Variants in OTUD7B observed in about 807,000 individuals in gnomAD.
OTUD7B encodes OTU deubiquitinase 7B, also known as OTU domain-containing protein 7B.
Under a neutral mutation model 82.2 loss-of-function variants are expected in OTUD7B, and 34 were observed. The observed-to-expected ratio is 0.41, with a 90% CI of 0.31 to 0.55. The LOEUF (loss-of-function observed/expected upper bound fraction) is 0.55. Among genes scored for constraint, OTUD7B ranks in the 20% least tolerant of loss-of-function variants. OTUD7B has a pLI of 0.20. For missense variants in OTUD7B, 944 were observed against 1,062.1 expected, an observed-to-expected ratio of 0.89 and a Z score of 1.55; for synonymous variants, 398 against 402.7, an observed-to-expected ratio of 0.99 and a Z score of 0.14.
chr1:150,006,650 C>T lies in OTUD7B; in HGVS notation c.-67+3798G>A, dbSNP rs587760101. Reference sequence around the variant, plus strand: ...GAATTACCTACAACAGTGCTCCCTACATTAGCAGAGACAACTGAGAGTTAA... The same window carrying T: ...GAATTACCTACAACAGTGCTCCCTATATTAGCAGAGACAACTGAGAGTTAA... On this transcript the variant is annotated intron_variant, in intron 1 of 11. Transcript: ENST00000581312. Among the ~76,000 whole-genome samples, 33 of 152,336 alleles carry T rather than the reference C, an allele frequency of 2.2e-4. No homozygotes were observed. The South Asian group carries it at 6.6e-3, about 31-fold the overall frequency.
At chr1:150,031,317 T>C in the OTUD7B span, among the ~76,000 whole-genome samples, 2 of 152,336 alleles carry the variant, frequency 1.3e-5, no homozygotes, top group East Asian at 1.9e-4. Flanking sequence ...TGTTTCTGGC[T>C]CAGTGCTCTT....
Position 149,938,011 on chromosome 1 carries a change from G to A in OTUD7B, c.*5846C>T, listed in dbSNP as rs2092737125. 6.6e-6 allele frequency: 1 copy of A among 152,140 alleles called. No individual in the cohort carries two copies. Among genetic ancestry groups the A allele is most frequent in the Non-Finnish European group, 1.5e-5 (1 of 68,064 alleles). The allele number at this position is 152,140 out of a possible 1,614,324, so 9.4% of individuals were successfully genotyped here. On this transcript the variant is annotated 3_prime_UTR_variant, in exon 12 of 12. Transcript: ENST00000581312. ...ATATTGTGAGACAGAAAGTCAGTCT[G>A]GAACAAAGAGGTATACACCTGCTAA...
At chr1:149,967,876 A>G (rs1230216761) in intron 3 of OTUD7B, among the ~76,000 whole-genome samples, 1 of 152,140 alleles carries the variant, frequency 6.6e-6, no homozygotes, top group Non-Finnish European at 1.5e-5. Context: ...AGGAGAGGGA[A>G]TAAGGGAAGT....
chr1:149,988,832 CA>C lies in OTUD7B; in HGVS notation c.-66-11257del, dbSNP rs202008899. 7.9e-3 allele frequency among the ~76,000 whole-genome samples: 1,196 copies of C among 152,174 alleles called. 50 individuals carry two copies. The highest frequency in any genetic ancestry group is 0.067 in the Admixed American group (1,030 of 15,278). ...CTTTTAAAAGAATAACCTGCAAAAA[CA>C]AAAGTTCTACTTGACCTATTAAAGA... On this transcript the variant is annotated intron_variant, in intron 1 of 11. Transcript: ENST00000581312.
the OTUD7B span, among the ~76,000 whole-genome samples, chr1:150,043,479 T>C: frequency 5.5e-3 from 844 of 152,190 alleles, 5 homozygotes; most frequent in African/African-American, 0.019. Flanking sequence ...TAGAAGGAGA[T>C]AGATTTCCGC....
chr1:150,031,465 G>C, the OTUD7B span, among the ~76,000 whole-genome samples: 1 of 152,180 alleles, frequency 6.6e-6, no homozygotes, highest in African/African-American at 2.4e-5. Flanking sequence ...ACAGTAATTG[G>C]AGAAGCCAAA....
intron 1 of OTUD7B, among the ~76,000 whole-genome samples, chr1:149,995,311 G>T (rs1553783095): frequency 6.6e-6 from 1 of 152,004 alleles, no homozygotes; most frequent in Non-Finnish European, 1.5e-5. Context: ...CGGGCGCAGT[G>T]GCTCATGCCT....
intron 1 of OTUD7B, among the ~76,000 whole-genome samples, chr1:150,000,905 G>A (rs183616689): frequency 6.6e-6 from 1 of 152,186 alleles, no homozygotes; most frequent in Non-Finnish European, 1.5e-5. Flanking sequence ...CTTGAACCCG[G>A]GAGGCAGAGG....
chr1:149,949,810 CTG>C, intron 8 of OTUD7B, 32 bp from the exon 9 acceptor site: 1 of 1,600,110 alleles, frequency 6.2e-7, no homozygotes, highest in Non-Finnish European at 8.5e-7. Flanking sequence ...ATTATGAAGG[CTG>C]TGTTTCTGCC....
chr1:149,951,251 G>A (rs1019703152), intron 7 of OTUD7B, among the ~76,000 whole-genome samples: 3 of 152,002 alleles, frequency 2.0e-5, no homozygotes, highest in East Asian at 1.9e-4. Flanking sequence ...GATTACAGGC[G>A]TGAGCCACTG....
At position 149,949,610 on chromosome 1, in the gene OTUD7B, A is replaced by C. The variant is rs587711336; in HGVS notation, c.1123+19T>G. The stretch of plus-strand genomic sequence containing the variant: ...TTCAAGTGAAAATAATGCAGACCAA[A>C]AGACATGTCATTCAGCACCTTGTTC... On this transcript the variant is annotated intron_variant, in intron 9 of 11. Coordinates refer to ENST00000581312, the MANE Select transcript of OTUD7B (RefSeq NM_020205.4). 2 of 1,610,384 alleles carry C rather than the reference A, an allele frequency of 1.2e-6. No homozygotes were observed. The highest frequency in any genetic ancestry group is 2.2e-5 in the South Asian group (2 of 90,782).
chr1:150,017,179 C>T, the OTUD7B span, among the ~76,000 whole-genome samples: 1 of 152,100 alleles, frequency 6.6e-6, no homozygotes, highest in African/African-American at 2.4e-5. Context: ...CCTGCACTCC[C>T]TAAAGTGTTC....
At chr1:149,982,663 A>G (rs1553779991) in intron 1 of OTUD7B, among the ~76,000 whole-genome samples, 1 of 151,638 alleles carries the variant, frequency 6.6e-6, no homozygotes, top group East Asian at 1.9e-4. Context: ...CATCTGCACA[A>G]CTCGCCTAAC....
the OTUD7B span, among the ~76,000 whole-genome samples, chr1:150,021,426 A>G: frequency 6.6e-6 from 1 of 152,204 alleles, no homozygotes. Flanking sequence ...AAAGGTTAAT[A>G]TTAATCTGGA....
At chr1:149,967,560 C>A (rs782095237) in intron 3 of OTUD7B, 39 bp from the exon 4 acceptor site, 1 of 1,484,844 alleles carries the variant, frequency 6.7e-7, no homozygotes, top group Non-Finnish European at 9.2e-7. Flanking sequence ...ACATACACAG[C>A]CCACTTGGAG....
chr1:149,967,792 G>A (rs1456374758), intron 3 of OTUD7B, among the ~76,000 whole-genome samples: 1 of 152,018 alleles, frequency 6.6e-6, no homozygotes, highest in African/African-American at 2.4e-5. Context: ...CCCTCTGACT[G>A]TCTTCCTCCA....
At chr1:150,005,316 A>T (rs1241052733) in intron 1 of OTUD7B, among the ~76,000 whole-genome samples, 1 of 152,212 alleles carries the variant, frequency 6.6e-6, no homozygotes, top group Non-Finnish European at 1.5e-5. Flanking sequence ...GGTCACTACA[A>T]ATAACAGTTT....
chr1:149,992,524 G>A (rs1651663270), intron 1 of OTUD7B, among the ~76,000 whole-genome samples: 1 of 140,854 alleles, frequency 7.1e-6, no homozygotes, highest in Non-Finnish European at 1.5e-5. Context: ...CACCCAGGCT[G>A]GAGTGCAGTA....
Position 150,004,105 on chromosome 1 carries a change from GTC to G in OTUD7B, c.-67+6341_-67+6342del, listed in dbSNP as rs587626751. On this transcript the variant is annotated intron_variant, in intron 1 of 11. Coordinates refer to ENST00000581312, the MANE Select transcript of OTUD7B (RefSeq NM_020205.4). ...CATTAATTTCCATTTTTCCTTCACAGTCTCTTTTTCACTCTTTCCTCTCCTTA... is the reference window on the plus strand; with the variant it reads ...CATTAATTTCCATTTTTCCTTCACAGTCTTTTTCACTCTTTCCTCTCCTTA... 1.5e-3 allele frequency among the ~76,000 whole-genome samples: 223 copies of G among 151,722 alleles called. 2 individuals are homozygous for G. The highest frequency in any genetic ancestry group is 5.3e-3 in the African/African-American group (219 of 41,326).
Sources: gnomAD v4.1 joint callset for allele counts (sites outside exome capture counted in the v4.1 genomes callset) on GRCh38, gnomAD v4.1.1 for gene constraint, MANE v1.5 for transcripts, NCBI Gene and HGNC (gene_info 2026-07-23, HGNC 2026-07-21) for gene names.